Variants in ANO10 observed in about 807,000 individuals in gnomAD.
ANO10 encodes anoctamin-10.
Under a neutral mutation model 74.7 loss-of-function variants are expected in ANO10, and 77 were observed. The ratio of observed to expected loss-of-function variants is 1.03; its 90% CI spans 0.86 to 1.25. The LOEUF (loss-of-function observed/expected upper bound fraction) is 1.25, where lower values mean the gene tolerates loss of function less well. Ranked by LOEUF, ANO10 falls within the 50% of genes most tolerant of loss-of-function variation. ANO10 has a pLI of 0.00. For synonymous variants in ANO10, 279 were observed against 284.9 expected, an observed-to-expected ratio of 0.98 and a Z score of 0.21; for missense variants, 721 against 778.1, an observed-to-expected ratio of 0.93 and a Z score of 0.87.
intron 12 of ANO10, among the ~76,000 whole-genome samples, chr3:43,419,601 C>T (rs972949938): frequency 4.0e-5 from 6 of 151,612 alleles, no homozygotes; most frequent in Admixed American, 2.6e-4. Flanking sequence ...ATGCAACCTC[C>T]GCCTCCCGGG....
At chr3:43,681,379 C>G (rs1428386216) in intron 1 of ANO10, among the ~76,000 whole-genome samples, 1 of 152,132 alleles carries the variant, frequency 6.6e-6, no homozygotes, top group Non-Finnish European at 1.5e-5. Flanking sequence ...GAAGAGCTAA[C>G]TATCCTAAAT....
chr3:43,560,795 A>G (rs2079992555), intron 9 of ANO10, among the ~76,000 whole-genome samples: 1 of 152,188 alleles, frequency 6.6e-6, no homozygotes, highest in Admixed American at 6.5e-5. Flanking sequence ...CTAAAATTCA[A>G]TCTTCAGATT....
At chr3:43,490,989 A>C (rs941899803) in intron 11 of ANO10, among the ~76,000 whole-genome samples, 2 of 152,190 alleles carry the variant, frequency 1.3e-5, no homozygotes, top group African/African-American at 4.8e-5. Flanking sequence ...AAGTGGGCTC[A>C]GGCATGCATA....
intron 11 of ANO10, among the ~76,000 whole-genome samples, chr3:43,502,655 T>G (rs72865029): frequency 0.15 from 22,212 of 152,088 alleles, 2,051 homozygotes; most frequent in African/African-American, 0.25. Context: ...ACAAATGAAG[T>G]AAAGCAACAG....
chr3:43,533,886 G>A (rs546316313), intron 11 of ANO10, among the ~76,000 whole-genome samples: 45 of 152,308 alleles, frequency 3.0e-4, no homozygotes, highest in African/African-American at 1.1e-3. Flanking sequence ...ATTGCCAATA[G>A]CATTCTTATT....
chr3:43,677,326 A>T (rs1332300506), intron 1 of ANO10, among the ~76,000 whole-genome samples: 1 of 152,208 alleles, frequency 6.6e-6, no homozygotes, highest in Non-Finnish European at 1.5e-5. Context: ...AGGTGGGCAG[A>T]TCTCCTGAGG....
chr3:43,405,372 CA>C (rs1286167252), intron 12 of ANO10, among the ~76,000 whole-genome samples: 1 of 152,204 alleles, frequency 6.6e-6, no homozygotes, highest in African/African-American at 2.4e-5. Context: ...TGAGAATGGC[CA>C]CTTGGGCCAG....
upstream of ANO10, among the ~76,000 whole-genome samples, chr3:43,624,426 G>A (rs2083474462): frequency 6.6e-6 from 1 of 152,164 alleles, no homozygotes; most frequent in South Asian, 2.1e-4. Context: ...CTCATGAATG[G>A]TTTAGCACCA....
intron 1 of ANO10, among the ~76,000 whole-genome samples, chr3:43,632,400 T>A (rs2083557852): frequency 1.3e-5 from 2 of 152,242 alleles, no homozygotes; most frequent in Admixed American, 6.5e-5. Flanking sequence ...CATGGCAAGC[T>A]GGCCATGTCC....
At chr3:43,574,749 T>C in intron 7 of ANO10, 60 bp downstream of exon 7, 1 of 1,277,202 alleles carries the variant, frequency 7.8e-7, no homozygotes, top group African/African-American at 1.5e-5. Context: ...TGTATTCCTA[T>C]ATATTATGTA....
chr3:43,545,366 TTTTG>T (rs912650582), intron 11 of ANO10, among the ~76,000 whole-genome samples: 55 of 152,130 alleles, frequency 3.6e-4, no homozygotes, highest in African/African-American at 9.6e-4. Context: ...GATGGTTTTT[TTTTG>T]TTTGTTTGTT....
intron 11 of ANO10, among the ~76,000 whole-genome samples, chr3:43,455,959 C>T (rs925890677): frequency 1.3e-5 from 2 of 152,100 alleles, no homozygotes; most frequent in South Asian, 2.1e-4. Flanking sequence ...CAAAGACTTG[C>T]GTTAACTCTA....
intron 11 of ANO10, among the ~76,000 whole-genome samples, chr3:43,513,154 C>T (rs897726604): frequency 6.6e-6 from 1 of 152,190 alleles, no homozygotes; most frequent in Non-Finnish European, 1.5e-5. Context: ...AAAGCAACAT[C>T]AGACCAGGTT....
intron 1 of ANO10, among the ~76,000 whole-genome samples, chr3:43,654,828 C>A (rs1000738994): frequency 2.0e-5 from 3 of 152,176 alleles, no homozygotes; most frequent in African/African-American, 7.2e-5. Context: ...ATTGGCCCTA[C>A]CTCTGACTTT....
chr3:43,666,744 T>A (rs2083997229), intron 1 of ANO10, among the ~76,000 whole-genome samples: 3 of 152,166 alleles, frequency 2.0e-5, no homozygotes, highest in African/African-American at 7.2e-5. Context: ...AGATTTGCCA[T>A]CTGTTAAGGG....
chr3:43,619,833 G>T (rs1039916709), intron 1 of ANO10, among the ~76,000 whole-genome samples: 4 of 146,942 alleles, frequency 2.7e-5, no homozygotes, highest in Non-Finnish European at 5.9e-5. Context: ...ACCACTGCAC[G>T]CACTGCAGTT....
At chr3:43,546,655 A>C (rs905264625) in intron 11 of ANO10, among the ~76,000 whole-genome samples, 7 of 152,126 alleles carry the variant, frequency 4.6e-5, no homozygotes, top group Non-Finnish European at 7.4e-5. Flanking sequence ...TAAAAAAAAA[A>C]ACACACCTCA....
intron 12 of ANO10, among the ~76,000 whole-genome samples, chr3:43,387,262 C>T (rs944031925): frequency 2.1e-4 from 32 of 152,290 alleles, no homozygotes; most frequent in African/African-American, 7.5e-4. Context: ...TCATTGGGAC[C>T]ACCATCATAT....
chr3:43,587,974 T>C (rs901298958), intron 4 of ANO10, among the ~76,000 whole-genome samples: 6 of 152,194 alleles, frequency 3.9e-5, no homozygotes, highest in Non-Finnish European at 5.9e-5. Flanking sequence ...CCAGTAGTGA[T>C]AGAAAGTCTA....
Sources: allele counts gnomAD v4.1 joint callset (sites outside exome capture counted in the v4.1 genomes callset), GRCh38; gene constraint gnomAD v4.1.1; transcripts MANE v1.5; gene names NCBI Gene and HGNC (gene_info 2026-07-23, HGNC 2026-07-21).